VPS13C: variants seen among roughly 807,000 people sequenced by gnomAD.
The protein encoded by VPS13C is vacuolar protein sorting 13 homolog C.
In VPS13C, 358 loss-of-function variants were observed where a neutral mutation model predicts 456.8. That is an observed-to-expected ratio of 0.78 (90% confidence interval 0.72 to 0.86). The LOEUF is 0.86. VPS13C is among the 40% of genes least tolerant of loss of function. VPS13C has a pLI of 0.00. For missense variants in VPS13C, 4,818 were observed against 4,385.4 expected (o/e 1.10, Z -2.79); for synonymous variants, 1,578 against 1,486.7 (o/e 1.06, Z -1.41).
intron 51 of VPS13C, 110 bp downstream of exon 51, chr15:61,929,391 A>G (rs906551776): frequency 2.9e-6 from 4 of 1,374,108 alleles, no homozygotes; most frequent in South Asian, 3.1e-5. Context: ...ATATGTTTAA[A>G]TATAAAAGAC....
chr15:61,918,313 A>G, intron 58 of VPS13C, 56 bp from the exon 59 acceptor site: 2 of 1,414,264 alleles, frequency 1.4e-6, no homozygotes, highest in Non-Finnish European at 1.9e-6. Flanking sequence ...TCGAAAGAAA[A>G]AATGAGAGCC....
chr15:61,860,931 T>C (rs1487623167), intron 82 of VPS13C, among the ~76,000 whole-genome samples: 1 of 151,428 alleles, frequency 6.6e-6, no homozygotes, highest in East Asian at 1.9e-4. Context: ...CTAGAACGCA[T>C]GTATGGTTAG....
At chr15:61,893,844 G>T (rs1199436162) in intron 66 of VPS13C, among the ~76,000 whole-genome samples, 1 of 151,728 alleles carries the variant, frequency 6.6e-6, no homozygotes, top group Non-Finnish European at 1.5e-5. Context: ...ATAATGTATT[G>T]TGTCTATAAG....
intron 3 of VPS13C, among the ~76,000 whole-genome samples, chr15:62,037,952 A>G (rs1267124808): frequency 6.6e-6 from 1 of 152,170 alleles, no homozygotes; most frequent in Non-Finnish European, 1.5e-5. Context: ...AATGACCCAA[A>G]CGGAAGTATC....
At chr15:62,030,481 ATGCTTCC>A (rs1363843725) in intron 5 of VPS13C, among the ~76,000 whole-genome samples, 2 of 152,064 alleles carry the variant, frequency 1.3e-5, no homozygotes, top group East Asian at 3.9e-4. Context: ...TGCCGGCATC[ATGCTTCC>A]TATACAGCCT....
At chr15:61,934,858 C>G (rs1359371364) in intron 48 of VPS13C, among the ~76,000 whole-genome samples, 1 of 152,182 alleles carries the variant, frequency 6.6e-6, no homozygotes, top group Non-Finnish European at 1.5e-5. Flanking sequence ...TCATGCCATT[C>G]TCCTGCCTCA....
chr15:62,031,098 CA>C (rs2047802731), intron 5 of VPS13C, among the ~76,000 whole-genome samples: 1 of 152,046 alleles, frequency 6.6e-6, no homozygotes, highest in African/African-American at 2.4e-5. Flanking sequence ...TTTATTTTTA[CA>C]GTTAAGCAAA....
chr15:61,864,827 A>G (rs774783853), intron 81 of VPS13C: 150 of 982,782 alleles, frequency 1.5e-4, no homozygotes, highest in Non-Finnish European at 1.8e-4. Context: ...ATTTCTTCAA[A>G]GAGAAAATGG....
chr15:61,951,814 TCA>T lies in VPS13C; in HGVS notation c.4456+8_4456+9del, dbSNP rs1369553571. 3 of 1,605,054 alleles carry T rather than the reference TCA, an allele frequency of 1.9e-6. No individual in the cohort carries two copies. Among genetic ancestry groups the T allele is most frequent in the Non-Finnish European group, 2.6e-6 (3 of 1,175,590 alleles). ...ATGAATAATTTACACAGACAATATT[TCA>T]CACTTACCAGTGAAATCAAAGCACT... is the stretch of plus-strand genomic sequence containing the variant. On this transcript the variant is annotated splice_region_variant and intron_variant, in intron 39 of 84. Transcript: ENST00000644861.
chr15:62,009,913 C>G (rs181042422), intron 13 of VPS13C, among the ~76,000 whole-genome samples: 1 of 152,200 alleles, frequency 6.6e-6, no homozygotes, highest in Admixed American at 6.5e-5. Context: ...ACAGGCCAGG[C>G]GCGGTAGCTC....
At position 61,912,004 on chromosome 15, in the gene VPS13C, C is replaced by G. The variant is rs780257266; in HGVS notation, c.8551G>C (p.Val2851Leu). The G allele has an allele frequency of 7.6e-6, 12 of 1,575,164 alleles. No homozygotes were observed. The highest frequency in any genetic ancestry group is 1.0e-5 in the Non-Finnish European group (12 of 1,159,954). The change falls in exon 63 of 85, where the codon GTT (valine) becomes CTT (leucine). Residue 2851 changes from valine (V) to leucine (L), a missense_variant and splice_region_variant. Physicochemically the swap from Val to Leu is conservative, Grantham distance 32. Around this residue, in one of 3 missense-constraint regions of VPS13C, gnomAD observed 4,552 missense variants for 4,130.6 expected, o/e 1.10. Coordinates refer to ENST00000644861, the MANE Select transcript of VPS13C (RefSeq NM_020821.3). ...KCPANNMEYL[V>L]GVSIKMSSFN... ...CTGCTCATTTTGATGCTAACACCAACCTGTGGAAAGGAAAAAAGCTTATTT... is the reference window on the plus strand; with the variant it reads ...CTGCTCATTTTGATGCTAACACCAAGCTGTGGAAAGGAAAAAAGCTTATTT...
intron 1 of VPS13C, among the ~76,000 whole-genome samples, chr15:62,059,506 T>C (rs981057109): frequency 1.3e-5 from 2 of 152,218 alleles, no homozygotes; most frequent in African/African-American, 2.4e-5. Flanking sequence ...ATTTCCTGAA[T>C]ACTTTTATAC....
At chr15:62,031,707 A>G (rs774186938) in intron 5 of VPS13C, among the ~76,000 whole-genome samples, 1 of 151,944 alleles carries the variant, frequency 6.6e-6, no homozygotes, top group Non-Finnish European at 1.5e-5. Flanking sequence ...TGTCATTACC[A>G]TATACAGCAT....
chr15:61,890,145 T>G lies in VPS13C; in HGVS notation c.9341+20A>C. On this transcript the variant is annotated intron_variant, in intron 67 of 84. Coordinates refer to ENST00000644861, the MANE Select transcript of VPS13C (RefSeq NM_020821.3). ...ATGCCTTTTAAAGGTTTAGGATGTC[T>G]TATTTTCCTTCTTGCATACCTGGTT... is the stretch of plus-strand genomic sequence containing the variant. The G allele has an allele frequency of 6.2e-7, 1 of 1,611,550 alleles. No homozygotes were observed. The highest frequency in any genetic ancestry group is 8.5e-7 in the Non-Finnish European group (1 of 1,178,028).
chr15:61,870,461 T>C (rs559423610), intron 79 of VPS13C, among the ~76,000 whole-genome samples: 2 of 152,328 alleles, frequency 1.3e-5, no homozygotes, highest in Non-Finnish European at 2.9e-5. Context: ...TACCAGTACA[T>C]GATTCCTTTT....
In VPS13C at chr15:62,038,515, A is replaced by C. The variant is rs139884129; in HGVS notation, c.187+2809T>G. Reference sequence around the variant, plus strand: ...GGTGGGAGGATCCCTTGAGCCCAGGAAGTTGAGGCTGCAGTAAGCCATGAC... The same window carrying C: ...GGTGGGAGGATCCCTTGAGCCCAGGCAGTTGAGGCTGCAGTAAGCCATGAC... On this transcript the variant is annotated intron_variant, in intron 3 of 84. Coordinates refer to ENST00000644861, the MANE Select transcript of VPS13C (RefSeq NM_020821.3). Among the ~76,000 whole-genome samples, 1,250 of 152,312 alleles carry C rather than the reference A, an allele frequency of 8.2e-3. 8 individuals carry two copies. The highest frequency in any genetic ancestry group is 0.013 in the Non-Finnish European group (899 of 68,022).
intron 4 of VPS13C, 89 bp from the exon 5 acceptor site, chr15:62,033,631 G>T: frequency 1.3e-6 from 1 of 781,284 alleles, no homozygotes; most frequent in Non-Finnish European, 1.9e-6. Flanking sequence ...GATTGTGTAA[G>T]TGTATAATCC....
intron 26 of VPS13C, among the ~76,000 whole-genome samples, 192 bp downstream of exon 26, chr15:61,973,262 G>A (rs1364246272): frequency 3.9e-5 from 6 of 152,038 alleles, no homozygotes; most frequent in Admixed American, 3.9e-4. Flanking sequence ...CCCTTCATTT[G>A]TCCAACGAAG....
chr15:62,041,482 C>A, intron 2 of VPS13C, 116 bp from the exon 3 acceptor site: 1 of 980,394 alleles, frequency 1.0e-6, no homozygotes, highest in Non-Finnish European at 1.5e-6. Context: ...ACCAAATTTT[C>A]TATATTTGAA....
Sources: allele counts gnomAD v4.1 joint callset (sites outside exome capture counted in the v4.1 genomes callset), GRCh38; gene constraint gnomAD v4.1.1; regional missense constraint gnomAD v4.1.1; transcripts MANE v1.5; gene names NCBI Gene and HGNC (gene_info 2026-07-23, HGNC 2026-07-21).